Variants in GRAMD2B observed in about 807,000 individuals in gnomAD.
GRAMD2B encodes the protein GRAM domain containing 2B.
GRAMD2B carries 41 observed loss-of-function variants against 59.2 expected under a neutral mutation model. That is an observed-to-expected ratio of 0.69 (90% CI 0.54 to 0.90). GRAMD2B has a LOEUF of 0.90. GRAMD2B is among the 40% of genes least tolerant of loss of function. The pLI is 0.00. For missense variants in GRAMD2B, 424 were observed against 500.5 expected, an observed-to-expected ratio of 0.85 and a Z score of 1.46; for synonymous variants, 161 against 182.7, an observed-to-expected ratio of 0.88 and a Z score of 0.96.
At chr5:126,460,256 C>G (rs1199799339) in intron 1 of GRAMD2B, among the ~76,000 whole-genome samples, 2 of 152,044 alleles carry the variant, frequency 1.3e-5, no homozygotes, top group Non-Finnish European at 2.9e-5. Context: ...AGAGTAGGTG[C>G]CTTTGTGGAG....
At chr5:126,463,711 C>T (rs1369351629) in intron 1 of GRAMD2B, among the ~76,000 whole-genome samples, 1 of 152,116 alleles carries the variant, frequency 6.6e-6, no homozygotes, top group Non-Finnish European at 1.5e-5. Context: ...AAATGCTTAC[C>T]ACAAAATTAA....
intron 9 of GRAMD2B, 86 bp downstream of exon 9, chr5:126,483,660 A>G (rs1043599532): frequency 2.8e-6 from 2 of 706,380 alleles, no homozygotes; most frequent in Admixed American, 5.9e-5. Flanking sequence ...AAAGAAAAGA[A>G]AAGAAAGAAA....
chr5:126,367,929 T>G (rs1032849162), upstream of GRAMD2B, among the ~76,000 whole-genome samples: 3 of 152,008 alleles, frequency 2.0e-5, no homozygotes, highest in Non-Finnish European at 2.9e-5. Flanking sequence ...TTGTTTGTAT[T>G]TTTAGTAGAG....
chr5:126,452,671 G>A (rs1765579815), intron 1 of GRAMD2B, among the ~76,000 whole-genome samples: 2 of 152,024 alleles, frequency 1.3e-5, no homozygotes, highest in Admixed American at 6.5e-5. Context: ...CTTCTCCTTG[G>A]CATTCCTGAT....
intron 5 of GRAMD2B, among the ~76,000 whole-genome samples, chr5:126,475,464 T>C (rs1770397046): frequency 6.6e-6 from 1 of 152,226 alleles, no homozygotes. Flanking sequence ...AATTCTTTTT[T>C]TCCAAATTTA....
At chr5:126,411,798 C>G (rs1256772608) in intron 1 of GRAMD2B, among the ~76,000 whole-genome samples, 3 of 149,804 alleles carry the variant, frequency 2.0e-5, no homozygotes, top group Non-Finnish European at 4.4e-5. Flanking sequence ...TTTTATAGTT[C>G]TCCTTGTAGA....
Position 126,469,713 on chromosome 5 carries a change from T to C in GRAMD2B, c.240T>C (p.Ser80=), listed in dbSNP as rs959254055. The C allele has an allele frequency of 4.3e-6, 7 of 1,613,786 alleles. No homozygotes were observed. Among genetic ancestry groups the C allele is most frequent in the Non-Finnish European group, 5.9e-6 (7 of 1,179,858 alleles). Residue 80 remains serine, a synonymous_variant, in exon 3 of 14, where the codon AGT becomes AGC. Transcript: ENST00000285689. ...KSSFDGASLA[S]DKNDCKTESK... is the part of the protein sequence containing the mutation. ...GTTTTGATGGTGCCTCTTTAGCAAG[T>C]GATAAGAACGACTGTAAAACAGAAA...
At chr5:126,444,941 T>TA (rs1032269154) in intron 1 of GRAMD2B, among the ~76,000 whole-genome samples, 3 of 152,226 alleles carry the variant, frequency 2.0e-5, no homozygotes, top group Admixed American at 1.3e-4. Context: ...AGTGAGAACA[T>TA]ACGGTGTTTG....
At chr5:126,480,072 C>G (rs1427182329) in intron 6 of GRAMD2B, 2 of 169,244 alleles carry the variant, frequency 1.2e-5, no homozygotes, top group East Asian at 3.5e-4. Context: ...GTTAAATACC[C>G]TTAAAAACAA....
intron 1 of GRAMD2B, among the ~76,000 whole-genome samples, chr5:126,362,216 C>T (rs141409030): frequency 6.6e-5 from 10 of 152,248 alleles, no homozygotes; most frequent in South Asian, 6.2e-4. Context: ...ATTTTTTGAT[C>T]GGGCAGCATC....
At chr5:126,443,439 CTG>C (rs1763635637) in intron 1 of GRAMD2B, among the ~76,000 whole-genome samples, 1 of 152,166 alleles carries the variant, frequency 6.6e-6, no homozygotes, top group African/African-American at 2.4e-5. Flanking sequence ...TTGTTTCAGT[CTG>C]TGTATTTCTC....
chr5:126,410,127 C>T (rs1321529675), intron 1 of GRAMD2B, among the ~76,000 whole-genome samples: 54 of 152,160 alleles, frequency 3.5e-4, no homozygotes, highest in Non-Finnish European at 6.6e-4. Context: ...TAGCATGATG[C>T]CTCCAGCTTT....
chr5:126,378,323 T>A (rs950212023), intron 1 of GRAMD2B, among the ~76,000 whole-genome samples: 1 of 152,172 alleles, frequency 6.6e-6, no homozygotes, highest in African/African-American at 2.4e-5. Context: ...CTATAAATTA[T>A]AAAAAAATAT....
At chr5:126,460,119 C>T (rs1435243213) in intron 1 of GRAMD2B, among the ~76,000 whole-genome samples, 1 of 151,952 alleles carries the variant, frequency 6.6e-6, no homozygotes, top group East Asian at 1.9e-4. Context: ...TGAAAGAACA[C>T]CAAGATAAAA....
intron 1 of GRAMD2B, among the ~76,000 whole-genome samples, chr5:126,461,068 A>G (rs1187367682): frequency 6.6e-6 from 1 of 152,218 alleles, no homozygotes; most frequent in Non-Finnish European, 1.5e-5. Context: ...TCATCACTGT[A>G]ATTAGAAGGG....
intron 1 of GRAMD2B, among the ~76,000 whole-genome samples, chr5:126,432,485 G>A (rs1286324977): frequency 6.6e-6 from 1 of 152,128 alleles, no homozygotes; most frequent in East Asian, 1.9e-4. Context: ...TGTGAAATGT[G>A]TATTGTGAGT....
exon 1 of GRAMD2B, chr5:126,360,325 C>G (rs1227927800): frequency 3.9e-6 from 6 of 1,551,058 alleles, no homozygotes; most frequent in South Asian, 1.2e-5. Context: ...CACCTGGCCT[C>G]TAGAAGATGA....
At chr5:126,490,879 T>C (rs1372307187) in intron 13 of GRAMD2B, among the ~76,000 whole-genome samples, 4 of 152,230 alleles carry the variant, frequency 2.6e-5, no homozygotes, top group Non-Finnish European at 5.9e-5. Context: ...ATTGGAAATC[T>C]AAGAATAATT....
chr5:126,403,581 G>T (rs910678793), intron 1 of GRAMD2B, among the ~76,000 whole-genome samples: 1 of 151,816 alleles, frequency 6.6e-6, no homozygotes, highest in Non-Finnish European at 1.5e-5. Flanking sequence ...CAAAGTTTAG[G>T]CTCTAGGGGA....
Sources: allele counts gnomAD v4.1 joint callset (sites outside exome capture counted in the v4.1 genomes callset), GRCh38; gene constraint gnomAD v4.1.1; transcripts MANE v1.5; gene names NCBI Gene and HGNC (gene_info 2026-07-23, HGNC 2026-07-21).